ANG: variants seen among roughly 807,000 people sequenced by gnomAD.
ANG encodes angiogenin, also known as Homo sapiens epididymis luminal protein 168.
For synonymous variants in ANG, 74 were observed against 73.8 expected (o/e 1.00, Z -0.02); for missense variants, 178 against 187.4 (o/e 0.95, Z 0.29).
At chr14:20,692,471 G>A (rs1886810888) in intron 1 of ANG, among the ~76,000 whole-genome samples, 1 of 152,212 alleles carries the variant, frequency 6.6e-6, no homozygotes, top group Non-Finnish European at 1.5e-5. Flanking sequence ...CCCAAATCCC[G>A]GTCTGTGGCC....
chr14:20,685,240 A>G (rs1886370125), upstream of ANG, among the ~76,000 whole-genome samples: 2 of 152,130 alleles, frequency 1.3e-5, no homozygotes, highest in Admixed American at 1.3e-4. Flanking sequence ...TCTTAGAGAC[A>G]CTTGCCAACA....
At chr14:20,688,914 C>A (rs1886553562) in intron 1 of ANG, 40 bp downstream of exon 1, 6 of 952,360 alleles carry the variant, frequency 6.3e-6, no homozygotes, top group South Asian at 9.7e-5. Flanking sequence ...TTATTTCTAG[C>A]CATCCATCCA....
upstream of ANG, among the ~76,000 whole-genome samples, chr14:20,685,067 C>A (rs1018081108): frequency 6.6e-6 from 1 of 152,172 alleles, no homozygotes; most frequent in Non-Finnish European, 1.5e-5. Context: ...CCTGCACTTG[C>A]CCACAACTAA....
chr14:20,685,685 G>A (rs1331002559), upstream of ANG, among the ~76,000 whole-genome samples: 1 of 152,166 alleles, frequency 6.6e-6, no homozygotes, highest in African/African-American at 2.4e-5. Context: ...CCTTCGAACA[G>A]CAACTTTCAG....
At chr14:20,688,033 C>T (rs1886505175), upstream of ANG, among the ~76,000 whole-genome samples, 1 of 152,198 alleles carries the variant, frequency 6.6e-6, no homozygotes, top group Non-Finnish European at 1.5e-5. Flanking sequence ...TGTTTTTACG[C>T]AAGCAATGGA....
intron 1 of ANG, among the ~76,000 whole-genome samples, chr14:20,691,679 C>T (rs1257786071): frequency 6.6e-6 from 1 of 152,358 alleles, no homozygotes; most frequent in Middle Eastern, 3.4e-3. Flanking sequence ...AAATTTGATG[C>T]ACTGCTGAAG....
At chr14:20,687,632 T>A (rs1330634771), upstream of ANG, among the ~76,000 whole-genome samples, 3 of 152,230 alleles carry the variant, frequency 2.0e-5, no homozygotes, top group African/African-American at 7.2e-5. Context: ...ATCTGCTGTT[T>A]GTTCTTGGAG....
chr14:20,687,802 C>T (rs1396101197), upstream of ANG, among the ~76,000 whole-genome samples: 2 of 152,176 alleles, frequency 1.3e-5, no homozygotes, highest in Non-Finnish European at 2.9e-5. Context: ...AGCAGGCAGC[C>T]TGTCTTTTCT....
chr14:20,692,871 G>A (rs567972766), intron 1 of ANG, among the ~76,000 whole-genome samples: 132 of 152,028 alleles, frequency 8.7e-4, no homozygotes, highest in African/African-American at 3.0e-3. Flanking sequence ...TTTCCGAGAC[G>A]GAGTCTCGCT....
upstream of ANG, among the ~76,000 whole-genome samples, chr14:20,687,747 A>G (rs760101583): frequency 6.6e-6 from 1 of 152,210 alleles, no homozygotes. Flanking sequence ...GAAAGATTGC[A>G]CTGAATATTA....
At chr14:20,690,538 G>C (rs887813715) in intron 1 of ANG, among the ~76,000 whole-genome samples, 1 of 152,160 alleles carries the variant, frequency 6.6e-6, no homozygotes, top group African/African-American at 2.4e-5. Flanking sequence ...GGTGGTTTTG[G>C]TGTACGCTTG....
intron 1 of ANG, among the ~76,000 whole-genome samples, chr14:20,690,191 C>T (rs1355482598): frequency 6.1e-5 from 8 of 131,456 alleles, no homozygotes; most frequent in African/African-American, 8.8e-5. Context: ...GTCCGCAGTC[C>T]GGCCTGGGCG....
At chr14:20,687,289 T>C (rs1886471799), upstream of ANG, among the ~76,000 whole-genome samples, 1 of 152,242 alleles carries the variant, frequency 6.6e-6, no homozygotes, top group African/African-American at 2.4e-5. Context: ...AACTGTCTTT[T>C]TGCATTGTGG....
chr14:20,687,432 T>C (rs1886477291), upstream of ANG, among the ~76,000 whole-genome samples: 1 of 152,174 alleles, frequency 6.6e-6, no homozygotes, highest in South Asian at 2.1e-4. Flanking sequence ...GCTGCTCTGT[T>C]TGTGTGAGTC....
intron 1 of ANG, among the ~76,000 whole-genome samples, chr14:20,691,163 A>G (rs1388130979): frequency 6.6e-6 from 1 of 152,178 alleles, no homozygotes; most frequent in African/African-American, 2.4e-5. Context: ...TCCTGCAAGT[A>G]CGGTATTTCC....
upstream of ANG, among the ~76,000 whole-genome samples, chr14:20,687,033 A>G (rs938064623): frequency 3.3e-5 from 5 of 152,228 alleles, no homozygotes; most frequent in Non-Finnish European, 7.3e-5. Context: ...ATGACTTTCA[A>G]GTTAAAGCTG....
intron 1 of ANG, chr14:20,693,336 A>T (rs1258549063): frequency 1.6e-6 from 1 of 630,442 alleles, no homozygotes; most frequent in Non-Finnish European, 2.8e-6. Flanking sequence ...TTGGAGCTAG[A>T]GGTTGTGCTC....
chr14:20,684,265 G>T (rs540834813), upstream of ANG: 1 of 152,292 alleles, frequency 6.6e-6, no homozygotes, highest in Non-Finnish European at 1.5e-5. Flanking sequence ...GTTCCTGGAC[G>T]CTCAGCCAGG....
At chr14:20,693,077 G>T in intron 1 of ANG, among the ~76,000 whole-genome samples, 1 of 151,934 alleles carries the variant, frequency 6.6e-6, no homozygotes. Flanking sequence ...TCGATCTCCT[G>T]ACCTCGTGAT....
Sources: gnomAD v4.1 joint callset for allele counts (sites outside exome capture counted in the v4.1 genomes callset) on GRCh38, gnomAD v4.1.1 for gene constraint, MANE v1.5 for transcripts, NCBI Gene and HGNC (gene_info 2026-07-23, HGNC 2026-07-21) for gene names.